ZPBP: variants seen among roughly 807,000 people sequenced by gnomAD.
ZPBP encodes zona pellucida-binding protein 1.
A neutral mutation model predicts 44.8 loss-of-function variants in ZPBP; 26 were observed. The ratio of observed to expected loss-of-function variants is 0.58; its 90% CI spans 0.43 to 0.81. ZPBP has a LOEUF of 0.81. Among genes scored for constraint, ZPBP ranks in the 30% least tolerant of loss-of-function variants. The probability of loss-of-function intolerance (pLI) is 0.00; values close to 1 mark genes in which losing one functional copy is unlikely to be tolerated. For synonymous variants in ZPBP, 174 were observed against 153.2 expected, an observed-to-expected ratio of 1.14 and a Z score of -1.00; for missense variants, 409 against 434.0, an observed-to-expected ratio of 0.94 and a Z score of 0.51.
At chr7:49,985,477 A>C (rs2128783564) in intron 6 of ZPBP, among the ~76,000 whole-genome samples, 1 of 152,280 alleles carries the variant, frequency 6.6e-6, no homozygotes, top group South Asian at 2.1e-4. Context: ...TGAAATCTAA[A>C]ATACTTCTGG....
At chr7:50,040,581 A>G (rs1456647968) in intron 4 of ZPBP, among the ~76,000 whole-genome samples, 1 of 152,150 alleles carries the variant, frequency 6.6e-6, no homozygotes, top group African/African-American at 2.4e-5. Flanking sequence ...TCCCTCCCCA[A>G]GCCAAGGGAA....
chr7:50,088,346 C>T (rs745385116), intron 2 of ZPBP, among the ~76,000 whole-genome samples: 1 of 151,958 alleles, frequency 6.6e-6, no homozygotes, highest in African/African-American at 2.4e-5. Flanking sequence ...ATAGGAATAA[C>T]ACTTTGTGAC....
intron 2 of ZPBP, among the ~76,000 whole-genome samples, chr7:49,886,209 G>A (rs908540231): frequency 2.0e-5 from 3 of 152,126 alleles, no homozygotes; most frequent in Non-Finnish European, 4.4e-5. Context: ...AGGGGACCTT[G>A]GTAAGCTGTG....
At chr7:49,902,449 T>C (rs1050511258) in intron 1 of ZPBP, among the ~76,000 whole-genome samples, 1 of 151,958 alleles carries the variant, frequency 6.6e-6, no homozygotes, top group African/African-American at 2.4e-5. Flanking sequence ...AGCAAATTTA[T>C]TTTTGACAAA....
intron 6 of ZPBP, among the ~76,000 whole-genome samples, chr7:50,015,376 G>T (rs1798776077): frequency 6.6e-6 from 1 of 151,968 alleles, no homozygotes; most frequent in Non-Finnish European, 1.5e-5. Flanking sequence ...CAGTAGAAAA[G>T]ATTGAAATTT....
At chr7:49,879,799 G>T (rs690996) in intron 2 of ZPBP, among the ~76,000 whole-genome samples, 2,758 of 151,840 alleles carry the variant, frequency 0.018, 91 homozygotes, top group African/African-American at 0.063. Flanking sequence ...ATAATTTTAG[G>T]TGTGATCACA....
At chr7:49,936,701 T>C (rs1794629661), downstream of ZPBP, among the ~76,000 whole-genome samples, 1 of 152,250 alleles carries the variant, frequency 6.6e-6, no homozygotes, top group Non-Finnish European at 1.5e-5. Flanking sequence ...TTAAGTCTTT[T>C]AATTTTTGAT....
At chr7:50,011,091 T>C (rs6583413) in intron 6 of ZPBP, among the ~76,000 whole-genome samples, 120,841 of 151,914 alleles carry the variant, frequency 0.8, 48,194 homozygotes, top group East Asian at 0.87. Context: ...ATCAACAAGG[T>C]AAACCAAAAC....
the ZPBP span, among the ~76,000 whole-genome samples, chr7:49,841,922 A>C: frequency 4.6e-5 from 7 of 152,242 alleles, no homozygotes; most frequent in African/African-American, 1.4e-4. Context: ...ACTGCAGTGC[A>C]ATGGCGTGAT....
chr7:49,960,626 T>C (rs1280166185), intron 7 of ZPBP, among the ~76,000 whole-genome samples: 4 of 152,148 alleles, frequency 2.6e-5, no homozygotes, highest in African/African-American at 9.7e-5. Flanking sequence ...GTCCATACTA[T>C]TGTAAGGACT....
chr7:49,886,934 AT>A (rs961452019), intron 2 of ZPBP, among the ~76,000 whole-genome samples: 40 of 149,850 alleles, frequency 2.7e-4, no homozygotes, highest in Non-Finnish European at 4.5e-4. Flanking sequence ...CTTTTTAGTT[AT>A]TTTTTTTTCT....
Position 50,089,685 on chromosome 7 carries a change from C to T in ZPBP, c.152G>A (p.Arg51Lys). ...TGAATCTTTGGTCAAGCGAAAAGCT[C>T]TTGGTAATCGAACCAAGTGTCCAAC... Reference protein sequence around the residue: ...SSVGHLVRLPRAFRLTKDSVK... With the variant: ...SSVGHLVRLPKAFRLTKDSVK... The change falls in exon 2 of 8, where the codon AGA becomes AAA. Residue 51 changes from arginine (R) to lysine (K), a missense_variant. This residue lies in a region of ZPBP where 367 missense variants were observed against 363.1 expected (regional missense o/e 1.01). Coordinates refer to ENST00000046087, the MANE Select transcript of ZPBP (RefSeq NM_007009.3). 6.2e-7 allele frequency: 1 copy of T among 1,611,526 alleles called. No homozygotes were observed. Among genetic ancestry groups the T allele is most frequent in the Non-Finnish European group, 8.5e-7 (1 of 1,178,686 alleles).
At chr7:50,000,896 A>T (rs1370387188) in intron 6 of ZPBP, among the ~76,000 whole-genome samples, 1 of 152,130 alleles carries the variant, frequency 6.6e-6, no homozygotes, top group Non-Finnish European at 1.5e-5. Flanking sequence ...GCCTTTAAAG[A>T]TAGGACCTTT....
At chr7:49,879,923 C>G (rs561550288) in intron 2 of ZPBP, among the ~76,000 whole-genome samples, 21 of 152,252 alleles carry the variant, frequency 1.4e-4, no homozygotes, top group Middle Eastern at 3.4e-3. Flanking sequence ...AGATGAGATT[C>G]ATCACAGGTT....
intron 1 of ZPBP, among the ~76,000 whole-genome samples, chr7:49,928,141 T>C (rs1330141526): frequency 6.6e-6 from 1 of 152,208 alleles, no homozygotes; most frequent in African/African-American, 2.4e-5. Flanking sequence ...TTTGTTTTCA[T>C]GGCCACTTTG....
At chr7:49,939,125 G>A (rs1258875188) in intron 7 of ZPBP, among the ~76,000 whole-genome samples, 6 of 152,142 alleles carry the variant, frequency 3.9e-5, no homozygotes, top group African/African-American at 1.2e-4. Flanking sequence ...TCAAAAGTGT[G>A]TTGATTATGG....
At chr7:49,969,814 TATATAGAGAGAG>T (rs1463955641) in intron 7 of ZPBP, among the ~76,000 whole-genome samples, 54 of 117,344 alleles carry the variant, frequency 4.6e-4, no homozygotes, top group African/African-American at 1.6e-3. Context: ...TATATATATA[TATATAGAGAGAG>T]AGAGAGAGAG....
At chr7:49,851,197 T>G (rs963163559) in intron 2 of ZPBP, among the ~76,000 whole-genome samples, 1 of 152,210 alleles carries the variant, frequency 6.6e-6, no homozygotes, top group Non-Finnish European at 1.5e-5. Flanking sequence ...GGTCTTCTTC[T>G]CTGTGCCCGT....
At chr7:49,937,784 C>CT (rs1226613520) in intron 7 of ZPBP, among the ~76,000 whole-genome samples, 162 bp from the exon 8 acceptor site, 2 of 152,188 alleles carry the variant, frequency 1.3e-5, no homozygotes, top group Admixed American at 1.3e-4. Flanking sequence ...AACTGCAACT[C>CT]TATACCCATT....
Sources: allele counts gnomAD v4.1 joint callset (sites outside exome capture counted in the v4.1 genomes callset), GRCh38; gene constraint gnomAD v4.1.1; regional missense constraint gnomAD v4.1.1; transcripts MANE v1.5; gene names NCBI Gene and HGNC (gene_info 2026-07-23, HGNC 2026-07-21).